The following CFAP206 variants were observed in gnomAD, a reference collection of about 807,000 sequenced individuals.
The protein encoded by CFAP206 is cilia- and flagella-associated protein 206.
CFAP206 carries 53 observed loss-of-function variants against 65.4 expected under a neutral mutation model. That is an observed-to-expected ratio of 0.81 (90% CI 0.65 to 1.02). The LOEUF (loss-of-function observed/expected upper bound fraction) is 1.02, where lower values mean the gene tolerates loss of function less well. Ranked by LOEUF, CFAP206 falls within the 50% of genes least tolerant of loss-of-function variation. CFAP206 has a pLI of 0.00. For missense variants in CFAP206, 663 were observed against 753.2 expected (o/e 0.88, Z 1.40); for synonymous variants, 250 against 254.4 (o/e 0.98, Z 0.17).
chr6:87,414,930 CA>C (rs1198579403), intron 4 of CFAP206, among the ~76,000 whole-genome samples: 3 of 152,020 alleles, frequency 2.0e-5, no homozygotes. Flanking sequence ...TTTTAATTTG[CA>C]AAAAGTTCTC....
At chr6:87,438,193 T>A (rs1490416535) in intron 11 of CFAP206, among the ~76,000 whole-genome samples, 1 of 152,124 alleles carries the variant, frequency 6.6e-6, no homozygotes, top group Non-Finnish European at 1.5e-5. Context: ...CCAGGCGTGG[T>A]GGCTCACGCC....
chr6:87,411,247 T>G (rs1475516363), intron 3 of CFAP206, among the ~76,000 whole-genome samples: 1 of 152,240 alleles, frequency 6.6e-6, no homozygotes, highest in African/African-American at 2.4e-5. Context: ...ACTGTGAAGT[T>G]AAATAGAACT....
At chr6:87,415,606 A>T in intron 4 of CFAP206, 80 bp from the exon 5 acceptor site, 1 of 1,264,688 alleles carries the variant, frequency 7.9e-7, no homozygotes, top group Non-Finnish European at 1.1e-6. Context: ...TGCCATATCC[A>T]ATCCAGTTTT....
intron 11 of CFAP206, chr6:87,436,618 G>A (rs2127953257): frequency 6.6e-6 from 1 of 152,438 alleles, no homozygotes; most frequent in Non-Finnish European, 1.5e-5. Context: ...CAGCTCAGTT[G>A]GTGCTGCTAT....
chr6:87,415,699 A>T lies in CFAP206; in HGVS notation c.297A>T (p.Glu99Asp), dbSNP rs1347020750. ...MNYTNRVEFL[E>D]EHHRVLESRL... ...TGGCAATTTTAGTGGAATTTCTCGA[A>T]GAACATCACCGGGTCCTAGAGTCTA... The change falls in exon 5 of 13, where the codon GAA (glutamate) becomes GAT (aspartate). Residue 99 changes from glutamate to aspartate, a missense_variant. Coordinates refer to ENST00000369562, the MANE Select transcript of CFAP206 (RefSeq NM_001031743.3). The T allele has an allele frequency of 6.2e-7, 1 of 1,602,848 alleles. No homozygotes were observed. Among genetic ancestry groups the T allele is most frequent in the African/African-American group, 1.3e-5 (1 of 74,280 alleles).
At position 87,431,068 on chromosome 6, in the gene CFAP206, G is replaced by C; in HGVS notation, c.1195G>C (p.Glu399Gln). The C allele has an allele frequency of 1.2e-6, 2 of 1,613,932 alleles. No individual in the cohort carries two copies. The highest frequency in any genetic ancestry group is 1.7e-6 in the Non-Finnish European group (2 of 1,179,866). Reference protein sequence around the residue: ...RVNVADFRKLEWLFPETTANF... With the variant: ...RVNVADFRKLQWLFPETTANF... ...AAATGTGGCAGATTTCAGAAAACTA[G>C]AATGGCTTTTCCCAGAAACAACAGC... The change falls in exon 10 of 13, where the codon GAA (glutamate) becomes CAA (glutamine). Residue 399 changes from glutamate (E) to glutamine (Q), a missense_variant. Transcript: ENST00000369562.
At chr6:87,432,705 T>C (rs1406850573) in intron 10 of CFAP206, among the ~76,000 whole-genome samples, 2 of 152,212 alleles carry the variant, frequency 1.3e-5, no homozygotes, top group Non-Finnish European at 2.9e-5. Context: ...AGGAGGTCTG[T>C]ATGGTCCCTT....
chr6:87,442,567 C>G (rs1768376810), intron 11 of CFAP206, among the ~76,000 whole-genome samples: 1 of 152,080 alleles, frequency 6.6e-6, no homozygotes, highest in Non-Finnish European at 1.5e-5. Flanking sequence ...GTCTTCTTAT[C>G]CCCCCAAATA....
chr6:87,412,859 C>T (rs1339332395), intron 3 of CFAP206, among the ~76,000 whole-genome samples: 2 of 152,184 alleles, frequency 1.3e-5, no homozygotes, highest in East Asian at 3.9e-4. Context: ...CGGGTTTCAC[C>T]ATGTTGACCA....
rs1768098334 is a variant in CFAP206 at position 87,428,696 on chromosome 6, G to A, written c.1031G>A (p.Ser344Asn). 2 of 1,613,964 alleles carry A rather than the reference G, an allele frequency of 1.2e-6. No individual in the cohort carries two copies. The highest frequency in any genetic ancestry group is 8.5e-7 in the Non-Finnish European group (1 of 1,180,008). ...GAAACTATTGTGGTTGGTGTCCTCA[G>A]TAATTTATTCACTCACATTCAGCCA... ...QDETIVVGVL[S>N]NLFTHIQPFL... The change falls in exon 9 of 13, where the codon AGT (serine) becomes AAT (asparagine). Residue 344 changes from serine to asparagine, a missense_variant. Ser to Asn is a conservative substitution (Grantham distance 46). Transcript: ENST00000369562.
At chr6:87,443,106 A>T (rs1768383930) in intron 11 of CFAP206, among the ~76,000 whole-genome samples, 1 of 152,154 alleles carries the variant, frequency 6.6e-6, no homozygotes, top group South Asian at 2.1e-4. Flanking sequence ...AAACATTATA[A>T]CTATGCTAAA....
chr6:87,447,145 C>T (rs1302989527), intron 11 of CFAP206, among the ~76,000 whole-genome samples: 1 of 151,852 alleles, frequency 6.6e-6, no homozygotes, highest in African/African-American at 2.4e-5. Flanking sequence ...TGGAAACAGA[C>T]AGTTTTACTT....
chr6:87,453,441 T>G (rs767914129), intron 11 of CFAP206, among the ~76,000 whole-genome samples: 2 of 152,138 alleles, frequency 1.3e-5, no homozygotes, highest in Non-Finnish European at 2.9e-5. Context: ...GTTATAACAC[T>G]GTAATTGTTG....
intron 11 of CFAP206, among the ~76,000 whole-genome samples, chr6:87,457,860 G>A (rs1009468640): frequency 1.3e-5 from 2 of 152,046 alleles, no homozygotes; most frequent in Non-Finnish European, 2.9e-5. Context: ...GCACAGCAAA[G>A]AAAACAACAA....
intron 7 of CFAP206, among the ~76,000 whole-genome samples, chr6:87,422,936 T>G (rs1192519080): frequency 6.6e-6 from 1 of 152,108 alleles, no homozygotes; most frequent in East Asian, 1.9e-4. Flanking sequence ...ATTTTTTTTC[T>G]TTTTCAGACA....
chr6:87,454,634 A>G (rs1016601087), intron 11 of CFAP206, among the ~76,000 whole-genome samples: 20 of 152,116 alleles, frequency 1.3e-4, no homozygotes, highest in Non-Finnish European at 2.5e-4. Context: ...TCATGAGGTC[A>G]GGAGTTTGAG....
At chr6:87,413,360 G>A (rs1767770382) in intron 3 of CFAP206, among the ~76,000 whole-genome samples, 2 of 152,286 alleles carry the variant, frequency 1.3e-5, no homozygotes, top group South Asian at 4.1e-4. Context: ...TATCTTAAGT[G>A]AAATAACTCA....
At chr6:87,448,913 C>T (rs1582149059) in intron 11 of CFAP206, among the ~76,000 whole-genome samples, 1 of 152,156 alleles carries the variant, frequency 6.6e-6, no homozygotes, top group East Asian at 1.9e-4. Context: ...TGTTGGTGGA[C>T]ACTTAGGTTG....
In CFAP206 at chr6:87,415,743, G is replaced by A. The variant is rs200079402; in HGVS notation, c.341G>A (p.Arg114Gln). 87 of 1,612,198 alleles carry A rather than the reference G, an allele frequency of 5.4e-5. No individual in the cohort carries two copies. The highest frequency in any genetic ancestry group is 1.6e-4 in the East Asian group (7 of 44,828). Residue 114 changes from arginine to glutamine, a missense_variant, in exon 5 of 13, where the codon CGA (arginine) becomes CAA (glutamine). By Grantham distance (43) the Arg-to-Gln change is conservative (BLOSUM62 1). Transcript: ENST00000369562. ...VLESRLGSVT[R>Q]EITDNRACAK... Reference sequence around the variant, plus strand: ...GAGTCTAGATTAGGCTCTGTTACCCGAGAAATTACAGATAACAGAGCATGT... The same window carrying A: ...GAGTCTAGATTAGGCTCTGTTACCCAAGAAATTACAGATAACAGAGCATGT...
Sources: allele counts gnomAD v4.1 joint callset (sites outside exome capture counted in the v4.1 genomes callset), GRCh38; gene constraint gnomAD v4.1.1; transcripts MANE v1.5; gene names NCBI Gene and HGNC (gene_info 2026-07-23, HGNC 2026-07-21).